Variants in ETV1 observed in about 807,000 individuals in gnomAD.
ETV1 encodes ETS translocation variant 1.
A neutral mutation model predicts 62.3 loss-of-function variants in ETV1; 27 were observed. The ratio of observed to expected loss-of-function variants is 0.43; its 90% confidence interval spans 0.32 to 0.60. The LOEUF is 0.60. ETV1 is among the 20% of genes least tolerant of loss of function. ETV1 has a pLI of 0.06. For synonymous variants in ETV1, 222 were observed against 199.6 expected (o/e 1.11, Z -0.94); for missense variants, 605 against 605.8 (o/e 1.00, Z 0.01).
chr7:13,900,784 A>C lies in ETV1; in HGVS notation c.1166T>G (p.Leu389Arg). The C allele has an allele frequency of 6.2e-7, 1 of 1,611,742 alleles. No individual in the cohort carries two copies. The highest frequency in any genetic ancestry group is 8.5e-7 in the Non-Finnish European group (1 of 1,178,970). The change falls in exon 13 of 14, where the codon CTT becomes CGT. Residue 389 changes from leucine to arginine, a missense_variant. By Grantham distance (102) the Leu-to-Arg change is moderately radical. Transcript: ENST00000430479. ...KNRPAMNYDKLSRSLRYYYEK... is the reference protein window; with the variant it reads ...KNRPAMNYDKRSRSLRYYYEK... Reference sequence around the variant, plus strand: ...ATAGTAATAGCGGAGTGAACGGCTAAGTTTATCATAGTTCATAGCTGGCCT... The same window carrying C: ...ATAGTAATAGCGGAGTGAACGGCTACGTTTATCATAGTTCATAGCTGGCCT...
intron 6 of ETV1, among the ~76,000 whole-genome samples, chr7:13,975,811 G>A (rs1583869539): frequency 6.6e-6 from 1 of 152,116 alleles, no homozygotes; most frequent in South Asian, 2.1e-4. Flanking sequence ...AAGAAAAGGA[G>A]TAAAAAATTA....
At chr7:13,960,254 A>G (rs1790009295) in intron 6 of ETV1, among the ~76,000 whole-genome samples, 1 of 152,192 alleles carries the variant, frequency 6.6e-6, no homozygotes, top group African/African-American at 2.4e-5. Flanking sequence ...AAATGCAATC[A>G]TCTTAAATTC....
intron 6 of ETV1, among the ~76,000 whole-genome samples, chr7:13,965,539 C>G (rs1790686832): frequency 6.6e-6 from 1 of 151,960 alleles, no homozygotes; most frequent in Non-Finnish European, 1.5e-5. Flanking sequence ...TCTGCATAGA[C>G]TAAGCAACCA....
chr7:13,967,725 C>A (rs1780448606), intron 6 of ETV1, among the ~76,000 whole-genome samples: 1 of 151,896 alleles, frequency 6.6e-6, no homozygotes, highest in African/African-American at 2.4e-5. Context: ...CCAATAAAAA[C>A]CCATAACAAA....
At position 13,894,754 on chromosome 7, in the gene ETV1, C is replaced by A. The variant is rs1454233242; in HGVS notation, c.*1112G>T. On this transcript the variant is annotated 3_prime_UTR_variant, in exon 14 of 14. Transcript: ENST00000430479. The stretch of plus-strand genomic sequence containing the variant: ...AAAGAGAATATTACAGAAAAGACAG[C>A]AGCAGAAGCATTAGCATTATCTAAT... 1 of 232,314 alleles carries A rather than the reference C, an allele frequency of 4.3e-6. No homozygotes were observed. Among genetic ancestry groups the A allele is most frequent in the African/African-American group, 2.2e-5 (1 of 45,258 alleles). The allele number at this position is 232,314 out of a possible 1,614,324, so 14.4% of individuals were successfully genotyped here. A position where few individuals can be genotyped will look rare whatever the true frequency, so the allele number is the denominator to read the frequency against.
At chr7:13,956,375 C>T (rs1333147391) in intron 6 of ETV1, among the ~76,000 whole-genome samples, 2 of 151,694 alleles carry the variant, frequency 1.3e-5, no homozygotes, top group Non-Finnish European at 2.9e-5. Context: ...CAGGAGTGTA[C>T]CCTTAAGGCT....
At chr7:13,979,199 TAC>T (rs1781743837) in intron 5 of ETV1, among the ~76,000 whole-genome samples, 1 of 152,068 alleles carries the variant, frequency 6.6e-6, no homozygotes, top group Admixed American at 6.6e-5. Flanking sequence ...CTAGTGAAAA[TAC>T]AGTTTTTTGG....
At chr7:13,969,987 T>C (rs995347776) in intron 6 of ETV1, among the ~76,000 whole-genome samples, 3 of 152,020 alleles carry the variant, frequency 2.0e-5, no homozygotes, top group Admixed American at 2.0e-4. Context: ...CCAGGCGCAG[T>C]GGCTCACGCC....
chr7:13,940,390 G>T lies in ETV1; in HGVS notation c.236-1144C>A, dbSNP rs560408188. ...AAAAAAAGAAAAAAAAGAAAAAAAA[G>T]AAAAAAAAAGCTATATATTTTTTAT... On this transcript the variant is annotated intron_variant, in intron 6 of 13. Coordinates refer to ENST00000430479, the MANE Select transcript of ETV1 (RefSeq NM_004956.5). Among the ~76,000 whole-genome samples, 17 of 124,036 alleles carry T rather than the reference G, an allele frequency of 1.4e-4. No individual in the cohort carries two copies. In the South Asian group the frequency reaches 4.7e-3, roughly 34 times the overall value. The allele number at this position is 124,036 out of a possible 152,430, so 81.4% of individuals were successfully genotyped here.
intron 6 of ETV1, among the ~76,000 whole-genome samples, chr7:13,943,768 C>A: frequency 6.6e-6 from 1 of 152,088 alleles, no homozygotes; most frequent in Admixed American, 6.5e-5. Flanking sequence ...CATTTTATAT[C>A]TTGCTTCTGG....
chr7:13,907,721 T>C, intron 11 of ETV1: 1 of 372,178 alleles, frequency 2.7e-6, no homozygotes, highest in Non-Finnish European at 5.6e-6. Context: ...AGACAAAATA[T>C]ATCTAAGCCT....
At chr7:13,903,483 C>A (rs1782646542) in intron 12 of ETV1, among the ~76,000 whole-genome samples, 2 of 152,024 alleles carry the variant, frequency 1.3e-5, no homozygotes. Flanking sequence ...TGTTTCCCGG[C>A]CGGGCACAGT....
chr7:13,936,597 C>T (rs895210463), intron 7 of ETV1, among the ~76,000 whole-genome samples: 1 of 152,100 alleles, frequency 6.6e-6, no homozygotes, highest in African/African-American at 2.4e-5. Flanking sequence ...AATGAGTAAG[C>T]TTGATTTTAC....
intron 9 of ETV1, among the ~76,000 whole-genome samples, chr7:13,925,021 G>A (rs762815201): frequency 1.3e-5 from 2 of 152,078 alleles, no homozygotes; most frequent in Non-Finnish European, 2.9e-5. Context: ...TGCAAAAACC[G>A]TTTCTTCGGC....
intron 9 of ETV1, among the ~76,000 whole-genome samples, chr7:13,921,745 G>C (rs971441703): frequency 1.3e-5 from 2 of 152,138 alleles, no homozygotes; most frequent in African/African-American, 4.8e-5. Context: ...CAGTATGTTA[G>C]AGCTCAAAAC....
At chr7:13,967,193 C>T (rs1780379693) in intron 6 of ETV1, among the ~76,000 whole-genome samples, 1 of 151,944 alleles carries the variant, frequency 6.6e-6, no homozygotes, top group Non-Finnish European at 1.5e-5. Flanking sequence ...GATTCTGCTA[C>T]AATAAAAGAT....
At position 13,895,908 on chromosome 7, in the gene ETV1, G is replaced by GC; in HGVS notation, c.1391dup (p.Cys465LeufsTer75). The GC allele has an allele frequency of 6.2e-7, 1 of 1,613,718 alleles. No homozygotes were observed. The highest frequency in any genetic ancestry group is 8.5e-7 in the Non-Finnish European group (1 of 1,179,782). Reference sequence around the variant, plus strand: ...CGTTGTAGGGGTGGGGGTTGCAGCAGCCCCCTTCCGGCATGTAGGCCATGC... The same window carrying GC: ...CGTTGTAGGGGTGGGGGTTGCAGCAGCCCCCCTTCCGGCATGTAGGCCATGC... On this transcript the variant is annotated frameshift_variant, in exon 14 of 14. Coordinates refer to ENST00000430479, the MANE Select transcript of ETV1 (RefSeq NM_004956.5). LOFTEE classifies it high-confidence loss of function.
chr7:13,989,135 T>A lies in ETV1; in HGVS notation c.-83A>T. ...GATTTCCTCAGGATCTGGACTTCTA[T>A]CAACCTAGAGGGGAACAAGATGGCT... On this transcript the variant is annotated 5_prime_UTR_variant, in exon 3 of 14. Coordinates refer to ENST00000430479, the MANE Select transcript of ETV1 (RefSeq NM_004956.5). 2 of 1,236,054 alleles carry A rather than the reference T, an allele frequency of 1.6e-6. No homozygotes were observed. Among genetic ancestry groups the A allele is most frequent in the Non-Finnish European group, 2.3e-6 (2 of 862,986 alleles). The allele number at this position is 1,236,054 out of a possible 1,614,324, so 76.6% of individuals were successfully genotyped here.
intron 8 of ETV1, among the ~76,000 whole-genome samples, chr7:13,934,813 G>A (rs560886982): frequency 1.1e-4 from 16 of 152,198 alleles, no homozygotes; most frequent in Admixed American, 5.2e-4. Context: ...ATGGCTCGTA[G>A]TGGGCCATGA....
Sources: allele counts gnomAD v4.1 joint callset (sites outside exome capture counted in the v4.1 genomes callset), GRCh38; gene constraint gnomAD v4.1.1; transcripts MANE v1.5; gene names NCBI Gene and HGNC (gene_info 2026-07-23, HGNC 2026-07-21).